SLC29A1: variants seen among roughly 807,000 people sequenced by gnomAD.
SLC29A1 encodes the protein solute carrier family 29 member 1 (Augustine blood group).
SLC29A1 carries 22 observed loss-of-function variants against 48.3 expected under a neutral mutation model. The ratio of observed to expected loss-of-function variants is 0.46; its 90% CI spans 0.33 to 0.65. The LOEUF (loss-of-function observed/expected upper bound fraction) is 0.65. SLC29A1 is among the 30% of genes least tolerant of loss of function. The pLI, the probability that SLC29A1 is intolerant of heterozygous loss-of-function variation, is 0.03. For synonymous variants in SLC29A1, 228 were observed against 231.0 expected, an observed-to-expected ratio of 0.99 and a Z score of 0.12; for missense variants, 491 against 575.3, an observed-to-expected ratio of 0.85 and a Z score of 1.50.
intron 1 of SLC29A1, among the ~76,000 whole-genome samples, chr6:44,225,507 CAAAA>C (rs35204127): frequency 1.2e-4 from 12 of 102,830 alleles, no homozygotes; most frequent in African/African-American, 3.8e-4. Context: ...AACTCCGTCT[CAAAA>C]AAAAAAAAAA....
At chr6:44,233,105 C>T in intron 12 of SLC29A1, 99 bp downstream of exon 12, 1 of 1,271,772 alleles carries the variant, frequency 7.9e-7, no homozygotes, top group East Asian at 2.4e-5. Context: ...AGTCCCTGCT[C>T]CCAGAGCTGA....
In SLC29A1 at chr6:44,223,764, G is replaced by A; in HGVS notation, c.-52+123G>A. 5.8e-6 allele frequency: 6 copies of A among 1,034,500 alleles called. No individual in the cohort carries two copies. The highest frequency in any genetic ancestry group is 4.7e-6 in the Non-Finnish European group (4 of 857,956). 64.1% of individuals were successfully genotyped at this position (1,034,500 alleles called of 1,614,324 possible). On this transcript the variant is annotated intron_variant, in intron 1 of 12. Transcript: ENST00000371755. The surrounding 1 kb of genome is among the most constrained non-coding windows in gnomAD (Gnocchi z 5.0). ...CTCCGCAGCCCGGAGAAGGGACGCC[G>A]GGTGGGGCCCCAGTGCGGAGCGTGC...
chr6:44,222,972 T>G (rs897738045), upstream of SLC29A1, among the ~76,000 whole-genome samples: 1 of 151,982 alleles, frequency 6.6e-6, no homozygotes, highest in Non-Finnish European at 1.5e-5. Flanking sequence ...GTCAAAGTTG[T>G]GAGTGGGGTG....
In SLC29A1 at chr6:44,233,365, G is replaced by C. The variant is rs1779325971; in HGVS notation, c.1260-52G>C. 2.1e-6 allele frequency: 3 copies of C among 1,453,224 alleles called. No individual in the cohort carries two copies. The East Asian group carries it at 6.8e-5, about 33-fold the overall frequency. 90.0% of individuals were successfully genotyped at this position (1,453,224 alleles called of 1,614,324 possible). On this transcript the variant is annotated intron_variant, in intron 12 of 12. Coordinates refer to ENST00000371755, the MANE Select transcript of SLC29A1 (RefSeq NM_001372327.1). ...ACCCCTCCTTCCACCCAGAGGCTCT[G>C]GGCTGGGGTACAGCCATTCTGAGGT...
chr6:44,231,962 C>A, intron 9 of SLC29A1, 36 bp from the exon 10 acceptor site: 1 of 1,458,182 alleles, frequency 6.9e-7, no homozygotes, highest in Non-Finnish European at 9.6e-7. Flanking sequence ...ACCATGAAGA[C>A]ACAGGCATTT....
chr6:44,223,446 G>C, upstream of SLC29A1: 1 of 768,706 alleles, frequency 1.3e-6, no homozygotes, highest in Non-Finnish European at 1.6e-6. This position sits in a 1 kb window ranked among gnomAD's most constrained non-coding sequence, Gnocchi z 5.0. Flanking sequence ...CTCGGGGTGG[G>C]AGCGGCGGAG....
In SLC29A1 at chr6:44,232,481, G is replaced by A; in HGVS notation, c.1059+53G>A. Reference sequence around the variant, plus strand: ...CCTGTGGGAAGTAAGAGTCCAGCCTGGACCCAGAGAGGGAACCCAAGAAAG... The same window carrying A: ...CCTGTGGGAAGTAAGAGTCCAGCCTAGACCCAGAGAGGGAACCCAAGAAAG... On this transcript the variant is annotated intron_variant, in intron 11 of 12. Coordinates refer to ENST00000371755, the MANE Select transcript of SLC29A1 (RefSeq NM_001372327.1). The surrounding 1 kb of genome is among the most constrained non-coding windows in gnomAD (Gnocchi z 4.7). 1 of 1,241,484 alleles carries A rather than the reference G, an allele frequency of 8.1e-7. No individual in the cohort carries two copies. Among genetic ancestry groups the A allele is most frequent in the South Asian group, 1.3e-5 (1 of 79,612 alleles). 76.9% of individuals were successfully genotyped at this position (1,241,484 alleles called of 1,614,324 possible). A position where few individuals can be genotyped will look rare whatever the true frequency, so the allele number is the denominator to read the frequency against.
chr6:44,219,750 C>A, upstream of SLC29A1: 1 of 1,288,882 alleles, frequency 7.8e-7, no homozygotes, highest in African/African-American at 1.5e-5. Context: ...CGTCCCCCAC[C>A]AAGTCCGGAT....
At chr6:44,225,246 C>T (rs549679150) in intron 1 of SLC29A1, among the ~76,000 whole-genome samples, 1 of 152,240 alleles carries the variant, frequency 6.6e-6, no homozygotes, top group African/African-American at 2.4e-5. Context: ...TGGCTCATGC[C>T]TGTAATCCCA....
rs1046633978 is a variant in SLC29A1, at chr6:44,230,402, C to T, written c.510C>T (p.Ala170=). 3.1e-6 allele frequency: 5 copies of T among 1,613,996 alleles called. No individual in the cohort carries two copies. In the African/African-American group the frequency reaches 6.7e-5, roughly 22 times the overall value. ...TTGGTCTGGCTGGCCTTCTGCCTGCCAGCTACACGGCCCCCATCATGAGTG... is the reference window on the plus strand; with the variant it reads ...TTGGTCTGGCTGGCCTTCTGCCTGCTAGCTACACGGCCCCCATCATGAGTG... ...SLFGLAGLLP[A]SYTAPIMSGQ... is the part of the protein sequence containing the mutation. Residue 170 remains alanine, a synonymous_variant, in exon 6 of 13, where the codon GCC becomes GCT. Coordinates refer to ENST00000371755, the MANE Select transcript of SLC29A1 (RefSeq NM_001372327.1).
intron 9 of SLC29A1, 136 bp from the exon 10 acceptor site, chr6:44,231,862 G>A (rs981256559): frequency 1.6e-6 from 1 of 625,792 alleles, no homozygotes; most frequent in Non-Finnish European, 2.9e-6. Context: ...GACCTCAGGT[G>A]ATCCACCCAC....
chr6:44,231,233 G>A, intron 8 of SLC29A1, 131 bp from the exon 9 acceptor site: 1 of 677,314 alleles, frequency 1.5e-6, no homozygotes, highest in South Asian at 1.7e-5. Context: ...TCTGGGTTAG[G>A]GTTAGAGTAC....
chr6:44,230,677 GA>G lies in SLC29A1; in HGVS notation c.687+13del. On this transcript the variant is annotated intron_variant, in intron 7 of 12. Transcript: ENST00000371755. ...GCCTGCCCCGCCTGGTGAGTAAATGGAGGGAGCTGGGGTTTGGGGTATAGGG... is the reference window on the plus strand; with the variant it reads ...GCCTGCCCCGCCTGGTGAGTAAATGGGGGAGCTGGGGTTTGGGGTATAGGG... 10 of 1,576,744 alleles carry G rather than the reference GA, an allele frequency of 6.3e-6. No individual in the cohort carries two copies. The highest frequency in any genetic ancestry group is 8.7e-6 in the Non-Finnish European group (10 of 1,146,448).
chr6:44,231,067 T>C (rs751955663), intron 8 of SLC29A1, among the ~76,000 whole-genome samples, 178 bp downstream of exon 8: 1 of 151,902 alleles, frequency 6.6e-6, no homozygotes, highest in Non-Finnish European at 1.5e-5. Context: ...AATGATAAAA[T>C]GGGGGCAGAT....
Position 44,225,411 on chromosome 6 carries a change from C to T in SLC29A1, c.-52+1770C>T, listed in dbSNP as rs953841146. Reference sequence around the variant, plus strand: ...TTCCCAGCTTCTTGGGAGGCTGAGGCAGGAGAATCACTTGAACCTGGGAGG... The same window carrying T: ...TTCCCAGCTTCTTGGGAGGCTGAGGTAGGAGAATCACTTGAACCTGGGAGG... On this transcript the variant is annotated intron_variant, in intron 1 of 12. Coordinates refer to ENST00000371755, the MANE Select transcript of SLC29A1 (RefSeq NM_001372327.1). Among the ~76,000 whole-genome samples the T allele has an allele frequency of 4.6e-5, 7 of 150,808 alleles. No individual in the cohort carries two copies. In the Middle Eastern group the frequency reaches 0.01, roughly 221 times the overall value.
intron 1 of SLC29A1, among the ~76,000 whole-genome samples, chr6:44,226,330 C>A (rs1342693298): frequency 6.6e-6 from 1 of 152,212 alleles, no homozygotes; most frequent in Non-Finnish European, 1.5e-5. Context: ...GCCAGGGGGT[C>A]TCCCCCTACA....
chr6:44,226,227 G>C, intron 1 of SLC29A1: 1 of 532,688 alleles, frequency 1.9e-6, no homozygotes, highest in Non-Finnish European at 2.4e-6. Context: ...AGCAAGGCCT[G>C]GGCCCAGCTA....
In SLC29A1 at chr6:44,223,685, C is replaced by G; in HGVS notation, c.-52+44C>G. 1 of 1,130,164 alleles carries G rather than the reference C, an allele frequency of 8.8e-7. No homozygotes were observed. The allele number at this position is 1,130,164 out of a possible 1,614,324, so 70.0% of individuals were successfully genotyped here. On this transcript the variant is annotated intron_variant, in intron 1 of 12. Transcript: ENST00000371755. This position sits in a 1 kb window ranked among gnomAD's most constrained non-coding sequence, Gnocchi z 5.0. Reference sequence around the variant, plus strand: ...GACTGGGGACTGGGGACTGCCGGGGCGGAAGACGCCGCTGCCCGCCTGCCA... The same window carrying G: ...GACTGGGGACTGGGGACTGCCGGGGGGGAAGACGCCGCTGCCCGCCTGCCA...
chr6:44,222,626 C>A (rs1315319510), upstream of SLC29A1, among the ~76,000 whole-genome samples: 2 of 152,066 alleles, frequency 1.3e-5, no homozygotes, highest in East Asian at 3.9e-4. Flanking sequence ...GAGTGCCCCC[C>A]ACCCCACCCC....
Sources: allele counts gnomAD v4.1 joint callset (sites outside exome capture counted in the v4.1 genomes callset), GRCh38; gene constraint gnomAD v4.1.1; non-coding constraint Gnocchi (gnomAD v3.1); transcripts MANE v1.5; gene names NCBI Gene and HGNC (gene_info 2026-07-23, HGNC 2026-07-21).